CR1: variants seen among roughly 807,000 people sequenced by gnomAD.
CR1 encodes complement C3b/C4b receptor 1 (Knops blood group).
Under a neutral mutation model 187.3 loss-of-function variants are expected in CR1, and 116 were observed. The observed-to-expected ratio is 0.62, with a 90% CI of 0.53 to 0.72. The LOEUF is 0.72. Ranked by LOEUF, CR1 falls within the 30% of genes least tolerant of loss-of-function variation. The probability of loss-of-function intolerance (pLI) is 0.00; values close to 1 mark genes in which losing one functional copy is unlikely to be tolerated. For missense variants in CR1, 1,731 were observed against 2,110.7 expected (o/e 0.82, Z 3.52); for synonymous variants, 576 against 747.1 (o/e 0.77, Z 3.73).
chr1:207,564,185 C>T lies in CR1; in HGVS notation c.3817C>T (p.Pro1273Ser). Residue 1273 changes from proline to serine, a missense_variant, in exon 23 of 47, where the codon CCA becomes TCA. Physicochemically the swap from Pro to Ser is moderately conservative, Grantham distance 74 (BLOSUM62 -1). Around this residue, in one of 5 missense-constraint regions of CR1, gnomAD observed 34 missense variants for 79.5 expected, o/e 0.43. Coordinates refer to ENST00000367049, the MANE Select transcript of CR1 (RefSeq NM_000651.6). ...ACTTCTTAATGGCCGTGTGCTATTT[C>T]CAGTAAATCTCCAGCTTGGAGCAAA... ...GQLLNGRVLFPVNLQLGAKVD... is the reference protein window; with the variant it reads ...GQLLNGRVLFSVNLQLGAKVD... 6.3e-7 allele frequency: 1 copy of T among 1,589,096 alleles called. No individual in the cohort carries two copies. Among genetic ancestry groups the T allele is most frequent in the Non-Finnish European group, 8.5e-7 (1 of 1,172,642 alleles).
chr1:207,627,738 A>G (rs963416170), intron 45 of CR1, among the ~76,000 whole-genome samples: 1 of 152,236 alleles, frequency 6.6e-6, no homozygotes, highest in African/African-American at 2.4e-5. Context: ...TGGTAAGACC[A>G]TGTCCCTAAA....
chr1:207,501,538 A>T (rs1659269172), intron 1 of CR1, among the ~76,000 whole-genome samples: 1 of 152,220 alleles, frequency 6.6e-6, no homozygotes, highest in African/African-American at 2.4e-5. Context: ...AACTACATCA[A>T]GCTTTCTTTG....
intron 31 of CR1, among the ~76,000 whole-genome samples, chr1:207,581,261 G>GTATACATATGGACACGTATATGTAT (rs1660935668): frequency 2.3e-5 from 3 of 132,202 alleles, no homozygotes; most frequent in African/African-American, 1.0e-4. Context: ...CGTATATGTA[G>GTATACATATGGACACGTATATGTAT]ACGTATACAT....
chr1:207,616,311 A>G (rs1016031490), intron 40 of CR1, among the ~76,000 whole-genome samples: 1 of 152,186 alleles, frequency 6.6e-6, no homozygotes, highest in Non-Finnish European at 1.5e-5. Context: ...AAATAAAAAC[A>G]ATTACTTTCC....
intron 33 of CR1, among the ~76,000 whole-genome samples, chr1:207,585,905 G>A (rs143217283): frequency 3.9e-5 from 6 of 152,230 alleles, no homozygotes; most frequent in African/African-American, 1.2e-4. Context: ...TGGAGGCCGA[G>A]GTGAGAGGAT....
chr1:207,580,546 C>T lies in CR1; in HGVS notation c.5149C>T (p.His1717Tyr). 1.9e-6 allele frequency: 3 copies of T among 1,612,778 alleles called. No individual in the cohort carries two copies. Among genetic ancestry groups the T allele is most frequent in the East Asian group, 2.2e-5 (1 of 44,840 alleles). Residue 1717 changes from histidine to tyrosine, a missense_variant, in exon 31 of 47, where the codon CAT (histidine) becomes TAT (tyrosine). Coordinates refer to ENST00000367049, the MANE Select transcript of CR1 (RefSeq NM_000651.6). ...TGATGACTTCTTGGGTCAACTCCCTCATGGCCGTGTGCTATTTCCACTTAA... is the reference window on the plus strand; with the variant it reads ...TGATGACTTCTTGGGTCAACTCCCTTATGGCCGTGTGCTATTTCCACTTAA... ...SCDDFLGQLP[H>Y]GRVLFPLNLQ...
At position 207,612,034 on chromosome 1, in the gene CR1, G is replaced by C; in HGVS notation, c.6568G>C (p.Asp2190His). ...TGGGGCAAAGGTGTCCTTTGTTTGC[G>C]ATGAAGGGTGAGTGTGACCCAGCGT... Reference protein sequence around the residue: ...QLGAKVSFVCDEGFRLKGRSA... With the variant: ...QLGAKVSFVCHEGFRLKGRSA... The change falls in exon 39 of 47, where the codon GAT (aspartate) becomes CAT (histidine). Residue 2190 changes from aspartate (D) to histidine (H), a missense_variant. This residue lies in a region of CR1 where 1,312 missense variants were observed against 1,379.6 expected (regional missense o/e 0.95). Transcript: ENST00000367049. The C allele has an allele frequency of 1.2e-6, 2 of 1,613,942 alleles. No homozygotes were observed. The highest frequency in any genetic ancestry group is 2.2e-5 in the East Asian group (1 of 44,878).
At chr1:207,515,181 A>ATG (rs1199413353) in intron 4 of CR1, among the ~76,000 whole-genome samples, 1 of 81,886 alleles carries the variant, frequency 1.2e-5, no homozygotes, top group Non-Finnish European at 2.2e-5. Flanking sequence ...GTATATACAT[A>ATG]TATACGTATA....
chr1:207,565,319 T>C (rs1205030841), intron 23 of CR1, among the ~76,000 whole-genome samples: 2 of 150,346 alleles, frequency 1.3e-5, no homozygotes, highest in Non-Finnish European at 2.9e-5. Flanking sequence ...AGAATATTCA[T>C]GCTTACTCTT....
intron 3 of CR1, among the ~76,000 whole-genome samples, chr1:207,510,306 A>C (rs750985908): frequency 3.9e-5 from 6 of 152,344 alleles, no homozygotes; most frequent in East Asian, 1.9e-4. Flanking sequence ...GTAATAGTGC[A>C]TCAAGTATCT....
At position 207,630,678 on chromosome 1, in the gene CR1, G is replaced by T; in HGVS notation, c.7457+57G>T. 4.8e-6 allele frequency: 6 copies of T among 1,246,268 alleles called. No individual in the cohort carries two copies. In the South Asian group the frequency reaches 8.9e-5, roughly 19 times the overall value. 77.2% of individuals were successfully genotyped at this position (1,246,268 alleles called of 1,614,324 possible). ...TTCAACAACTCAAATATCAAAAATG[G>T]AAACAGGACTTGAATATGATATTGC... is the stretch of plus-strand genomic sequence containing the variant. On this transcript the variant is annotated intron_variant, in intron 46 of 46. Transcript: ENST00000367049.
intron 37 of CR1, among the ~76,000 whole-genome samples, chr1:207,610,245 C>T (rs1015674979): frequency 6.6e-6 from 1 of 151,884 alleles, no homozygotes; most frequent in Non-Finnish European, 1.5e-5. Context: ...TATGTATATA[C>T]ACACACACAC....
chr1:207,507,968 A>G (rs1402251431), intron 3 of CR1, among the ~76,000 whole-genome samples: 2 of 152,228 alleles, frequency 1.3e-5, no homozygotes, highest in Non-Finnish European at 2.9e-5. Flanking sequence ...ATGAGCTATC[A>G]AGCCATGAAG....
At chr1:207,497,988 GGTGGTGGA>G (rs1463730819) in intron 1 of CR1, among the ~76,000 whole-genome samples, 1 of 152,204 alleles carries the variant, frequency 6.6e-6, no homozygotes, top group African/African-American at 2.4e-5. Context: ...TATAGAAGTA[GGTGGTGGA>G]GTTTTATGAA....
chr1:207,565,788 T>G lies in CR1; in HGVS notation c.3867-50T>G, dbSNP rs377458459. 6.2e-6 allele frequency: 10 copies of G among 1,607,118 alleles called. 1 individual carries two copies. The African/African-American group carries it at 8.4e-5, about 13-fold the overall frequency. ...GCTGGGCCTTAGATTGTGAACTAAG[T>G]GTCCTCTTGGCTGAAACAGCTCACT... On this transcript the variant is annotated intron_variant, in intron 23 of 46. Transcript: ENST00000367049.
chr1:207,632,758 A>G (rs1662685297), intron 46 of CR1, among the ~76,000 whole-genome samples: 1 of 139,852 alleles, frequency 7.2e-6, no homozygotes, highest in Middle Eastern at 3.4e-3. Flanking sequence ...AGATCGCGCC[A>G]CTGTACTCCA....
intron 4 of CR1, among the ~76,000 whole-genome samples, chr1:207,520,592 CT>C (rs1460043404): frequency 1.4e-4 from 22 of 152,188 alleles, no homozygotes; most frequent in African/African-American, 5.1e-4. Flanking sequence ...GTAATAAAAT[CT>C]TTACTGCCAT....
Position 207,623,015 on chromosome 1 carries a change from C to A in CR1, c.7299C>A (p.Phe2433Leu), listed in dbSNP as rs1311566124. 1.3e-6 allele frequency: 2 copies of A among 1,578,142 alleles called. No individual in the cohort carries two copies. Among genetic ancestry groups the A allele is most frequent in the East Asian group, 2.3e-5 (1 of 44,134 alleles). The change falls in exon 45 of 47, where the codon TTC becomes TTA. Residue 2433 changes from phenylalanine to leucine, a missense_variant. Transcript: ENST00000367049. ...TAGGCACTTTATCTGGTACGATCTT[C>A]TTTATTTTACTCATCATTTTCCTCT... is the stretch of plus-strand genomic sequence containing the variant. ...LIVGTLSGTI[F>L]FILLIIFLSW...
At position 207,630,532 on chromosome 1, in the gene CR1, A is replaced by G; in HGVS notation, c.7368A>G (p.Glu2456=). The G allele has an allele frequency of 1.2e-6, 2 of 1,605,202 alleles. No individual in the cohort carries two copies. The highest frequency in any genetic ancestry group is 1.3e-5 in the African/African-American group (1 of 74,624). The change falls in exon 46 of 47, where the codon GAA becomes GAG. Residue 2456 remains glutamate, a synonymous_variant. Coordinates refer to ENST00000367049, the MANE Select transcript of CR1 (RefSeq NM_000651.6). ...LKHRKGNNAH[E]NPKEVAIHLH... ...TGCCAATTAGCAATAATGCACATGA[A>G]AACCCTAAAGAAGTGGCTATCCATT...
Sources: allele counts gnomAD v4.1 joint callset (sites outside exome capture counted in the v4.1 genomes callset), GRCh38; gene constraint gnomAD v4.1.1; regional missense constraint gnomAD v4.1.1; transcripts MANE v1.5; gene names NCBI Gene and HGNC (gene_info 2026-07-23, HGNC 2026-07-21).